GRIA1: variants seen among roughly 807,000 people sequenced by gnomAD.
GRIA1 encodes the protein glutamate ionotropic receptor AMPA type subunit 1.
A neutral mutation model predicts 99.2 loss-of-function variants in GRIA1; 31 were observed. The ratio of observed to expected loss-of-function variants is 0.31; its 90% CI spans 0.23 to 0.42. The LOEUF is 0.42. Among genes scored for constraint, GRIA1 ranks in the 10% least tolerant of loss-of-function variants. GRIA1 has a pLI of 1.00. For missense variants in GRIA1, 782 were observed against 1,157.5 expected (o/e 0.68, Z 4.71); for synonymous variants, 438 against 432.4 (o/e 1.01, Z -0.16).
At chr5:153,799,970 C>T (rs1380913944) in intron 14 of GRIA1, among the ~76,000 whole-genome samples, 1 of 152,158 alleles carries the variant, frequency 6.6e-6, no homozygotes, top group Non-Finnish European at 1.5e-5. Context: ...GAGGCAGATA[C>T]CCTCTTAGGG....
At position 153,686,252 on chromosome 5, in the gene GRIA1, G is replaced by C; in HGVS notation, c.1057G>C (p.Val353Leu). Residue 353 changes from valine (V) to leucine (L), a missense_variant, in exon 8 of 16, where the codon GTG becomes CTG. Around this residue, in one of 5 missense-constraint regions of GRIA1, gnomAD observed 461 missense variants for 521.7 expected, o/e 0.88. Coordinates refer to ENST00000285900, the MANE Select transcript of GRIA1 (RefSeq NM_000827.4). ...GCGATTTGAAGGTTTAACAGGAAAC[G>C]TGCAGTTTAATGAGAAAGGACGCCG... ...QVRFEGLTGNVQFNEKGRRTN... is the reference protein window; with the variant it reads ...QVRFEGLTGNLQFNEKGRRTN... The C allele has an allele frequency of 4.3e-6, 7 of 1,613,872 alleles. No individual in the cohort carries two copies. Among genetic ancestry groups the C allele is most frequent in the Middle Eastern group, 1.7e-4 (1 of 6,056 alleles).
intron 2 of GRIA1, among the ~76,000 whole-genome samples, chr5:153,600,593 T>G (rs17114870): frequency 1.3e-5 from 2 of 151,512 alleles, no homozygotes; most frequent in Non-Finnish European, 2.9e-5. Context: ...ACATAGAAAA[T>G]GGTGATCTCA....
intron 2 of GRIA1, among the ~76,000 whole-genome samples, chr5:153,519,297 G>T (rs1334229327): frequency 6.6e-6 from 1 of 151,846 alleles, no homozygotes; most frequent in East Asian, 1.9e-4. Flanking sequence ...CCAATTCGAG[G>T]GTCTCAGGCC....
chr5:153,675,669 C>G lies in GRIA1; in HGVS notation c.861+1008C>G, dbSNP rs183102664. Among the ~76,000 whole-genome samples the G allele has an allele frequency of 2.0e-5, 3 of 152,248 alleles. No homozygotes were observed. The East Asian group carries it at 5.8e-4, about 29-fold the overall frequency. ...ACCGTATAACAGAGATACTTCTTAT[C>G]CCACTATTCAAACTGATTTAACTCT... is the stretch of plus-strand genomic sequence containing the variant. On this transcript the variant is annotated intron_variant, in intron 6 of 15. Transcript: ENST00000285900.
At chr5:153,583,651 G>A (rs1159877607) in intron 2 of GRIA1, among the ~76,000 whole-genome samples, 2 of 152,120 alleles carry the variant, frequency 1.3e-5, no homozygotes, top group African/African-American at 4.8e-5. Flanking sequence ...TTCCAAATAA[G>A]GTCACATTCT....
chr5:153,618,570 G>A (rs893517605), intron 2 of GRIA1, among the ~76,000 whole-genome samples: 1 of 152,258 alleles, frequency 6.6e-6, no homozygotes, highest in East Asian at 1.9e-4. Context: ...GCCCAATGGA[G>A]ACTTCAGGCT....
At chr5:153,641,222 G>T (rs1213523153) in intron 2 of GRIA1, among the ~76,000 whole-genome samples, 2 of 152,074 alleles carry the variant, frequency 1.3e-5, no homozygotes, top group Non-Finnish European at 2.9e-5. Flanking sequence ...TTACAATGAG[G>T]CTGCCACATT....
At chr5:153,622,277 C>T (rs537005836) in intron 2 of GRIA1, among the ~76,000 whole-genome samples, 47 of 152,164 alleles carry the variant, frequency 3.1e-4, no homozygotes, top group Non-Finnish European at 5.7e-4. Flanking sequence ...GAGAGACCTA[C>T]TTTGGTCCTG....
chr5:153,554,967 G>A (rs1760486160), intron 2 of GRIA1, among the ~76,000 whole-genome samples: 1 of 152,110 alleles, frequency 6.6e-6, no homozygotes, highest in Non-Finnish European at 1.5e-5. Context: ...AACCAGGGTT[G>A]TGCCATACTT....
intron 2 of GRIA1, among the ~76,000 whole-genome samples, chr5:153,631,355 C>T (rs921970959): frequency 1.3e-5 from 2 of 152,216 alleles, no homozygotes; most frequent in African/African-American, 4.8e-5. Context: ...TATTTCTGCT[C>T]ATATCACCTT....
chr5:153,595,919 T>G (rs936958262), intron 2 of GRIA1, among the ~76,000 whole-genome samples: 3 of 151,994 alleles, frequency 2.0e-5, no homozygotes, highest in African/African-American at 7.2e-5. Flanking sequence ...AAATATATAT[T>G]CAGTCATTTC....
chr5:153,770,897 G>A (rs982502689), intron 13 of GRIA1, among the ~76,000 whole-genome samples: 6 of 152,190 alleles, frequency 3.9e-5, no homozygotes, highest in African/African-American at 7.2e-5. Context: ...TGTGGAAATC[G>A]AAATAGCATC....
intron 4 of GRIA1, among the ~76,000 whole-genome samples, chr5:153,651,632 T>C (rs559851883): frequency 6.6e-6 from 1 of 152,308 alleles, no homozygotes; most frequent in South Asian, 2.1e-4. Flanking sequence ...CAGAGAATCT[T>C]GGTACTAGGA....
chr5:153,590,047 T>C (rs1381296423), intron 2 of GRIA1, among the ~76,000 whole-genome samples: 1 of 152,172 alleles, frequency 6.6e-6, no homozygotes, highest in African/African-American at 2.4e-5. Context: ...AATTTGTGTT[T>C]GTCTCATTTG....
At chr5:153,726,647 G>C (rs2149550186) in intron 11 of GRIA1, among the ~76,000 whole-genome samples, 1 of 152,306 alleles carries the variant, frequency 6.6e-6, no homozygotes, top group African/African-American at 2.4e-5. Flanking sequence ...AGAAGAAATG[G>C]ATAAATTCCT....
rs570593309 is a variant in GRIA1, at chr5:153,641,545, T to C, written c.221-5383T>C. Among the ~76,000 whole-genome samples, 15 of 152,294 alleles carry C rather than the reference T, an allele frequency of 9.8e-5. No individual in the cohort carries two copies. The South Asian group carries it at 3.1e-3, about 32-fold the overall frequency. ...TCCTGGCCTCGTTTTTTACTTACTCTGATTGTTGGACACGCTCTGCTACAG... is the reference window on the plus strand; with the variant it reads ...TCCTGGCCTCGTTTTTTACTTACTCCGATTGTTGGACACGCTCTGCTACAG... On this transcript the variant is annotated intron_variant, in intron 2 of 15. Coordinates refer to ENST00000285900, the MANE Select transcript of GRIA1 (RefSeq NM_000827.4).
At position 153,510,357 on chromosome 5, in the gene GRIA1, G is replaced by A. The variant is rs554868672; in HGVS notation, c.220+16292G>A. ...AACATTTGTAATTGAGACAGTTTCC[G>A]ACATGTACTTTTCAAGCTTTCTTGC... On this transcript the variant is annotated intron_variant, in intron 2 of 15. Coordinates refer to ENST00000285900, the MANE Select transcript of GRIA1 (RefSeq NM_000827.4). 8.2e-4 allele frequency among the ~76,000 whole-genome samples: 125 copies of A among 152,188 alleles called. 1 individual carries two copies. The highest frequency in any genetic ancestry group is 1.4e-3 in the Non-Finnish European group (98 of 67,998).
intron 11 of GRIA1, among the ~76,000 whole-genome samples, chr5:153,733,930 T>C (rs2149563002): frequency 6.6e-6 from 1 of 152,242 alleles, no homozygotes; most frequent in South Asian, 2.1e-4. Context: ...AAGACCCCAC[T>C]TTCAACAATG....
At chr5:153,720,104 A>AAAT (rs1759949028) in intron 11 of GRIA1, among the ~76,000 whole-genome samples, 1 of 152,224 alleles carries the variant, frequency 6.6e-6, no homozygotes, top group African/African-American at 2.4e-5. Flanking sequence ...TGGGGTCTTA[A>AAAT]AATACATATA....
Sources: gnomAD v4.1 joint callset for allele counts (sites outside exome capture counted in the v4.1 genomes callset) on GRCh38, gnomAD v4.1.1 for gene constraint, gnomAD v4.1.1 regional missense constraint, MANE v1.5 for transcripts, NCBI Gene and HGNC (gene_info 2026-07-23, HGNC 2026-07-21) for gene names.